Variants in SATB1 observed in about 807,000 individuals in gnomAD.
SATB1 encodes the protein DNA-binding protein SATB1.
In SATB1, 11 loss-of-function variants were observed where a neutral mutation model predicts 86.9. The observed-to-expected ratio is 0.13, with a 90% CI of 0.08 to 0.21. The LOEUF is 0.21. Ranked by LOEUF, SATB1 falls within the 10% of genes least tolerant of loss-of-function variation. The probability of loss-of-function intolerance (pLI) is 1.00; values close to 1 mark genes in which losing one functional copy is unlikely to be tolerated. For synonymous variants in SATB1, 357 were observed against 357.2 expected (o/e 1.00, Z 0.01); for missense variants, 551 against 937.6 (o/e 0.59, Z 5.39).
intron 9 of SATB1, among the ~76,000 whole-genome samples, chr3:18,373,559 G>C (rs908617118): frequency 2.0e-5 from 3 of 152,072 alleles, no homozygotes; most frequent in Non-Finnish European, 2.9e-5. Flanking sequence ...CCAATGATTT[G>C]CGACACGTGT....
At chr3:18,351,089 T>C in intron 10 of SATB1, 1 of 536,376 alleles carries the variant, frequency 1.9e-6, no homozygotes, top group South Asian at 2.0e-5. Flanking sequence ...TCCCAGAACT[T>C]TTCCATCTAA....
chr3:18,428,720 A>G (rs1168903219), upstream of SATB1, among the ~76,000 whole-genome samples: 1 of 152,234 alleles, frequency 6.6e-6, no homozygotes, highest in Non-Finnish European at 1.5e-5. Flanking sequence ...GAGTGCATCA[A>G]TTTTCTATCA....
chr3:18,378,049 TA>T, intron 9 of SATB1, 120 bp downstream of exon 9: 1 of 843,514 alleles, frequency 1.2e-6, no homozygotes, highest in Non-Finnish European at 1.7e-6. Flanking sequence ...GCTCTGGAAA[TA>T]ATCCTAGACA....
chr3:18,378,101 C>A, intron 9 of SATB1, 69 bp downstream of exon 9: 1 of 1,326,816 alleles, frequency 7.5e-7, no homozygotes, highest in Admixed American at 2.8e-5. Flanking sequence ...TGAAAATAGA[C>A]ACTCCTTTTA....
At chr3:18,405,656 ACTCTGGAAATTACATAAAACC>A (rs1220446699) in intron 5 of SATB1, among the ~76,000 whole-genome samples, 1 of 151,918 alleles carries the variant, frequency 6.6e-6, no homozygotes, top group Non-Finnish European at 1.5e-5. Context: ...CACAGAACTA[ACTCTGGAAATTACATAAAACC>A]TATGAAAGCT....
intron 7 of SATB1, among the ~76,000 whole-genome samples, chr3:18,388,310 A>G (rs62238553): frequency 0.033 from 5,073 of 152,174 alleles, 176 homozygotes; most frequent in African/African-American, 0.085. Context: ...TATTGAAAGT[A>G]AAACATTCAG....
chr3:18,444,483 C>A lies in SATB1; in HGVS notation c.-25+1035G>T. The A allele has an allele frequency of 4.5e-6, 3 of 672,498 alleles. No individual in the cohort carries two copies. Among genetic ancestry groups the A allele is most frequent in the African/African-American group, 3.9e-5 (2 of 51,092 alleles). The allele number at this position is 672,498 out of a possible 1,614,324, so 41.7% of individuals were successfully genotyped here. On this transcript the variant is annotated intron_variant, in intron 1 of 3. Coordinates refer to the SATB1 transcript ENST00000415069. The surrounding 1 kb of genome is among the most constrained non-coding windows in gnomAD (Gnocchi z 5.1). ...TGCGCCCACGAGAGGGGAGCCCAGCCGCCCCAATAGGGGACGAGGAGTGGG... is the reference window on the plus strand; with the variant it reads ...TGCGCCCACGAGAGGGGAGCCCAGCAGCCCCAATAGGGGACGAGGAGTGGG...
intron 9 of SATB1, among the ~76,000 whole-genome samples, chr3:18,355,631 T>A (rs1559392142): frequency 2.0e-5 from 3 of 151,934 alleles, no homozygotes; most frequent in African/African-American, 4.8e-5. Flanking sequence ...TGAAATGCAG[T>A]GCTTTGTTGC....
At chr3:18,368,541 C>T (rs1695301684) in intron 9 of SATB1, among the ~76,000 whole-genome samples, 6 of 151,994 alleles carry the variant, frequency 3.9e-5, no homozygotes, top group South Asian at 4.2e-4. Flanking sequence ...AAAAGAAACA[C>T]GACATGAGGA....
intron 1 of SATB1, chr3:18,445,154 G>C: frequency 1.1e-6 from 1 of 909,314 alleles, no homozygotes; most frequent in South Asian, 5.0e-5. Context: ...CTTGTGCGGC[G>C]CGGGCTGGCC....
intron 3 of SATB1, 96 bp from the exon 4 acceptor site, chr3:18,416,229 C>T (rs1267296901): frequency 3.5e-6 from 3 of 869,336 alleles, no homozygotes; most frequent in Non-Finnish European, 5.0e-6. Context: ...ACCCCTACCA[C>T]AAGCAGTACC....
Position 18,350,992 on chromosome 3 carries a change from T to C in SATB1, c.1779+1000A>G, listed in dbSNP as rs550360672. ...TAAAAGAGAGCTAAAATCATCCCCT[T>C]TAACAAAAATAAGCTATACAACTCA... is the stretch of plus-strand genomic sequence containing the variant. On this transcript the variant is annotated intron_variant, in intron 10 of 10. Coordinates refer to ENST00000338745, the MANE Select transcript of SATB1 (RefSeq NM_002971.6). 7.3e-4 allele frequency: 247 copies of C among 337,224 alleles called. 3 individuals carry two copies. The highest frequency in any genetic ancestry group is 6.2e-3 in the South Asian group (236 of 38,008). The allele number at this position is 337,224 out of a possible 1,614,324, so 20.9% of individuals were successfully genotyped here.
intron 5 of SATB1, among the ~76,000 whole-genome samples, chr3:18,397,984 T>C (rs916245872): frequency 1.3e-5 from 2 of 152,192 alleles, no homozygotes; most frequent in Non-Finnish European, 2.9e-5. Context: ...TGCAATCTTA[T>C]TACTGGCTTC....
At chr3:18,403,582 A>G (rs1697376173) in intron 5 of SATB1, among the ~76,000 whole-genome samples, 1 of 152,072 alleles carries the variant, frequency 6.6e-6, no homozygotes, top group African/African-American at 2.4e-5. Flanking sequence ...CATCATTCCT[A>G]ATGTCTTTGG....
intron 9 of SATB1, among the ~76,000 whole-genome samples, chr3:18,363,016 A>AT (rs2125151569): frequency 6.6e-6 from 1 of 152,230 alleles, no homozygotes; most frequent in South Asian, 2.1e-4. Context: ...CTGCCACTGC[A>AT]TTTTACATTG....
chr3:18,352,146 T>C lies in SATB1; in HGVS notation c.1625A>G (p.Asn542Ser). The part of the protein sequence containing the change: ...LRWKEDPSPE[N>S]RTLWENLSMI... ...GGAGAGGTTCTCCCACAGGGTTCTG[T>C]TTTCTGGAGAAGGATCTTCTTTCCA... The change falls in exon 10 of 11, where the codon AAC becomes AGC. Residue 542 changes from asparagine (N) to serine (S), a missense_variant. Physicochemically the swap from Asn to Ser is conservative, Grantham distance 46. Coordinates refer to ENST00000338745, the MANE Select transcript of SATB1 (RefSeq NM_002971.6). This position sits in a 1 kb window ranked among gnomAD's most constrained non-coding sequence, Gnocchi z 4.1. 1 of 1,614,204 alleles carries C rather than the reference T, an allele frequency of 6.2e-7. No homozygotes were observed. Among genetic ancestry groups the C allele is most frequent in the Non-Finnish European group, 8.5e-7 (1 of 1,180,042 alleles).
upstream of SATB1, among the ~76,000 whole-genome samples, chr3:18,443,035 G>C (rs1020944062): frequency 6.6e-6 from 1 of 152,142 alleles, no homozygotes; most frequent in Non-Finnish European, 1.5e-5. This position sits in a 1 kb window ranked among gnomAD's most constrained non-coding sequence, Gnocchi z 4.4. Context: ...TTAAAGTATG[G>C]GTTTTTGTTT....
intron 9 of SATB1, among the ~76,000 whole-genome samples, chr3:18,358,016 T>C (rs939022629): frequency 4.6e-5 from 7 of 151,966 alleles, no homozygotes; most frequent in African/African-American, 1.7e-4. Flanking sequence ...GCATTTTAAA[T>C]TATTTACTAG....
chr3:18,408,623 T>C (rs1697671706), intron 5 of SATB1: 1 of 151,918 alleles, frequency 6.6e-6, no homozygotes, highest in Admixed American at 6.6e-5. Context: ...AATCAAGCAG[T>C]TTCCAATGAA....
Sources: allele counts gnomAD v4.1 joint callset (sites outside exome capture counted in the v4.1 genomes callset), GRCh38; gene constraint gnomAD v4.1.1; non-coding constraint Gnocchi (gnomAD v3.1); transcripts MANE v1.5; gene names NCBI Gene and HGNC (gene_info 2026-07-23, HGNC 2026-07-21).